The following UNC13B variants were observed in gnomAD, a reference collection of about 807,000 sequenced individuals.
UNC13B encodes the protein unc-13 homolog B, also known as protein unc-13 homolog B.
A neutral mutation model predicts 211.0 loss-of-function variants in UNC13B; 144 were observed. The observed-to-expected ratio is 0.68, with a 90% CI of 0.60 to 0.78. The LOEUF (loss-of-function observed/expected upper bound fraction) is 0.78. Among genes scored for constraint, UNC13B ranks in the 30% least tolerant of loss-of-function variants. The pLI, the probability that UNC13B is intolerant of heterozygous loss-of-function variation, is 0.00. For missense variants in UNC13B, 1,777 were observed against 2,002.0 expected, an observed-to-expected ratio of 0.89 and a Z score of 2.14; for synonymous variants, 709 against 725.8, an observed-to-expected ratio of 0.98 and a Z score of 0.37.
intron 1 of UNC13B, among the ~76,000 whole-genome samples, chr9:35,184,320 G>A (rs1822205213): frequency 1.3e-5 from 2 of 152,220 alleles, no homozygotes. Context: ...TGGCCGGGCA[G>A]AGGCTGTAAT....
At chr9:35,384,407 A>G (rs1337556542) in intron 22 of UNC13B, 93 bp downstream of exon 22, 15 of 1,525,260 alleles carry the variant, frequency 9.8e-6, no homozygotes, top group South Asian at 1.3e-5. Flanking sequence ...GATTGAGGCC[A>G]GGGAAAACTG....
chr9:35,246,286 C>T (rs1168503655), intron 6 of UNC13B, among the ~76,000 whole-genome samples: 3 of 151,538 alleles, frequency 2.0e-5, no homozygotes, highest in Non-Finnish European at 2.9e-5. Flanking sequence ...AAAATTTTCT[C>T]CCATTCTGTA....
Position 35,389,972 on chromosome 9 carries a change from CAGTG to C in UNC13B, c.11222+3_11222+6del, listed in dbSNP as rs1256796636. On this transcript the variant is annotated splice_donor_variant and splice_donor_region_variant and coding_sequence_variant and intron_variant, in exon 25 of 40. Coordinates refer to ENST00000635942, the MANE Select transcript of UNC13B (RefSeq NM_001371189.2). LOFTEE classifies it high-confidence loss of function. ...GAATTCCTACACACCTGTTCTGAACCAGTGAGTATCACCCTCTTTGGCCCTGTCT... is the reference window on the plus strand; with the variant it reads ...GAATTCCTACACACCTGTTCTGAACCAGTATCACCCTCTTTGGCCCTGTCT... 6.2e-7 allele frequency: 1 copy of C among 1,613,992 alleles called. No homozygotes were observed. Among genetic ancestry groups the C allele is most frequent in the African/African-American group, 1.3e-5 (1 of 75,042 alleles).
chr9:35,247,742 T>C (rs1587459973), intron 6 of UNC13B, among the ~76,000 whole-genome samples: 5 of 152,358 alleles, frequency 3.3e-5, no homozygotes, highest in Admixed American at 2.6e-4. Context: ...GATGTGCTGC[T>C]GGATTCAGTT....
At chr9:35,265,675 T>C (rs2131655000) in intron 7 of UNC13B, among the ~76,000 whole-genome samples, 2 of 152,274 alleles carry the variant, frequency 1.3e-5, no homozygotes, top group Middle Eastern at 6.8e-3. Context: ...CAGTGGCTCA[T>C]GCTTGTAATT....
At chr9:35,177,895 A>C (rs1821725044) in intron 1 of UNC13B, among the ~76,000 whole-genome samples, 1 of 152,244 alleles carries the variant, frequency 6.6e-6, no homozygotes, top group Non-Finnish European at 1.5e-5. Flanking sequence ...AGAATTGTAG[A>C]AAAAGTCAAG....
intron 7 of UNC13B, among the ~76,000 whole-genome samples, chr9:35,268,909 T>C (rs1827724755): frequency 6.6e-6 from 1 of 152,210 alleles, no homozygotes; most frequent in South Asian, 2.1e-4. Context: ...ATTATTACAC[T>C]GTGGTTGCAA....
chr9:35,182,674 C>G (rs909774378), intron 1 of UNC13B, among the ~76,000 whole-genome samples: 3 of 152,034 alleles, frequency 2.0e-5, no homozygotes, highest in Non-Finnish European at 2.9e-5. Context: ...GGTGATGACT[C>G]TTAACGAGCA....
chr9:35,330,174 T>A (rs957881002), intron 11 of UNC13B, among the ~76,000 whole-genome samples: 1 of 152,330 alleles, frequency 6.6e-6, no homozygotes. Context: ...TCTCACAGGA[T>A]TTTGGTGAGA....
intron 7 of UNC13B, among the ~76,000 whole-genome samples, chr9:35,273,825 G>T (rs946015466): frequency 6.6e-6 from 1 of 152,210 alleles, no homozygotes. Flanking sequence ...TCTCAATGGA[G>T]GCTAGGACTT....
intron 1 of UNC13B, among the ~76,000 whole-genome samples, chr9:35,183,632 G>A (rs541792881): frequency 1.4e-5 from 2 of 147,190 alleles, no homozygotes; most frequent in South Asian, 4.4e-4. Context: ...GCCGGGCAGA[G>A]GCACTCCTCA....
At chr9:35,396,820 G>A in intron 27 of UNC13B, 21 bp from the exon 28 acceptor site, 1 of 1,613,972 alleles carries the variant, frequency 6.2e-7, no homozygotes, top group Non-Finnish European at 8.5e-7. Flanking sequence ...CTAAGCCCCT[G>A]TTCTCCTGCT....
At chr9:35,237,893 TC>T in intron 5 of UNC13B, 67 bp downstream of exon 5, 1 of 1,497,836 alleles carries the variant, frequency 6.7e-7, no homozygotes, top group Non-Finnish European at 9.0e-7. Flanking sequence ...GCTAGTTGTT[TC>T]ATTAATGTAT....
At chr9:35,338,625 G>A (rs1693245363) in intron 11 of UNC13B, among the ~76,000 whole-genome samples, 1 of 152,182 alleles carries the variant, frequency 6.6e-6, no homozygotes, top group African/African-American at 2.4e-5. Flanking sequence ...GTGACTATAT[G>A]TCAGCTTTTT....
chr9:35,257,308 A>AATATAAATATATATAAAAATATTT (rs1826939865), intron 6 of UNC13B, among the ~76,000 whole-genome samples: 1 of 98,340 alleles, frequency 1.0e-5, no homozygotes, highest in Non-Finnish European at 2.4e-5. Flanking sequence ...ATTTATAAAA[A>AATATAAATATATATAAAAATATTT]ATATAAATAT....
Position 35,398,896 on chromosome 9 carries a change from T to C in UNC13B, c.11936T>C (p.Ile3979Thr), listed in dbSNP as rs1016251860. 1.4e-5 allele frequency: 23 copies of C among 1,613,832 alleles called. No homozygotes were observed. Among genetic ancestry groups the C allele is most frequent in the African/African-American group, 6.7e-5 (5 of 74,882 alleles). Residue 3979 changes from isoleucine to threonine, a missense_variant, in exon 33 of 40, where the codon ATT becomes ACT. By Grantham distance (89) the Ile-to-Thr change is moderately conservative. Transcript: ENST00000635942. ...MVFGNSFQVRIDECVRQMADI... is the reference protein window; with the variant it reads ...MVFGNSFQVRTDECVRQMADI... ...CACATGTGTAGTTTCCAGGTACGGA[T>C]TGATGAGTGTGTTCGACAAATGGCC...
At chr9:35,180,156 TAGTC>T (rs1184433355) in intron 1 of UNC13B, among the ~76,000 whole-genome samples, 6 of 152,244 alleles carry the variant, frequency 3.9e-5, no homozygotes, top group African/African-American at 1.4e-4. Flanking sequence ...ACTTTATAAT[TAGTC>T]ATTGGTTTTG....
intron 11 of UNC13B, among the ~76,000 whole-genome samples, chr9:35,350,155 C>G (rs1396420641): frequency 1.3e-5 from 2 of 152,140 alleles, no homozygotes; most frequent in Non-Finnish European, 2.9e-5. Context: ...CTACTGCTTC[C>G]GTACACTCTC....
intron 1 of UNC13B, among the ~76,000 whole-genome samples, chr9:35,201,186 C>T (rs1423692988): frequency 6.6e-6 from 1 of 152,048 alleles, no homozygotes; most frequent in Non-Finnish European, 1.5e-5. Flanking sequence ...GGGATGAAGC[C>T]CACTTGATCA....
Sources: gnomAD v4.1 joint callset for allele counts (sites outside exome capture counted in the v4.1 genomes callset) on GRCh38, gnomAD v4.1.1 for gene constraint, MANE v1.5 for transcripts, NCBI Gene and HGNC (gene_info 2026-07-23, HGNC 2026-07-21) for gene names.